SLC27A4: variants seen among roughly 807,000 people sequenced by gnomAD.
SLC27A4 encodes the protein solute carrier family 27 member 4.
SLC27A4 carries 33 observed loss-of-function variants against 64.4 expected under a neutral mutation model. The observed-to-expected ratio is 0.51, with a 90% CI of 0.39 to 0.68. The LOEUF (loss-of-function observed/expected upper bound fraction) is 0.68, where lower values mean the gene tolerates loss of function less well. Ranked by LOEUF, SLC27A4 falls within the 30% of genes least tolerant of loss-of-function variation. The pLI, the probability that SLC27A4 is intolerant of heterozygous loss-of-function variation, is 0.00. For synonymous variants in SLC27A4, 377 were observed against 370.0 expected, an observed-to-expected ratio of 1.02 and a Z score of -0.22; for missense variants, 824 against 883.5, an observed-to-expected ratio of 0.93 and a Z score of 0.85.
At position 128,346,848 on chromosome 9, in the gene SLC27A4, A is replaced by G. The variant is rs372429560; in HGVS notation, c.556+1299A>G. On this transcript the variant is annotated intron_variant, in intron 3 of 12. Coordinates refer to ENST00000300456, the MANE Select transcript of SLC27A4 (RefSeq NM_005094.4). ...AACCCCGTCTCTAATAAAAATGCAA[A>G]AAAAAACCTAGCCGAGCATGGTGGT... Among the ~76,000 whole-genome samples the G allele has an allele frequency of 3.0e-4, 45 of 151,750 alleles. No individual in the cohort carries two copies. The East Asian group carries it at 8.0e-3, about 27-fold the overall frequency.
chr9:128,353,707 C>T lies in SLC27A4; in HGVS notation c.1324+166C>T, dbSNP rs1354353047. 2.0e-5 allele frequency among the ~76,000 whole-genome samples: 3 copies of T among 151,332 alleles called. No individual in the cohort carries two copies. The highest frequency in any genetic ancestry group is 1.9e-4 in the East Asian group (1 of 5,166). ...GTATCCATCCATTCATTCATTCATTCGCCATTCTATCTGTACATCAGTCCA... is the reference window on the plus strand; with the variant it reads ...GTATCCATCCATTCATTCATTCATTTGCCATTCTATCTGTACATCAGTCCA... On this transcript the variant is annotated intron_variant, in intron 9 of 12. Coordinates refer to ENST00000300456, the MANE Select transcript of SLC27A4 (RefSeq NM_005094.4). The surrounding 1 kb of genome is among the most constrained non-coding windows in gnomAD (Gnocchi z 4.9).
rs1320224243 is a variant in SLC27A4, at chr9:128,343,294, G to T, written c.161+1G>T. 6.2e-7 allele frequency: 1 copy of T among 1,614,134 alleles called. No homozygotes were observed. The highest frequency in any genetic ancestry group is 8.5e-7 in the Non-Finnish European group (1 of 1,180,018). On this transcript the variant is annotated splice_donor_variant, in intron 2 of 12. Coordinates refer to ENST00000300456, the MANE Select transcript of SLC27A4 (RefSeq NM_005094.4). LOFTEE classifies it high-confidence loss of function. ...TCAAGACCATCAGGCGCGATATCTTGTGAGTACCTGGCCCAGCCTTTCCTG... is the reference window on the plus strand; with the variant it reads ...TCAAGACCATCAGGCGCGATATCTTTTGAGTACCTGGCCCAGCCTTTCCTG...
At chr9:128,347,484 T>C (rs1007779685) in intron 3 of SLC27A4, among the ~76,000 whole-genome samples, 5 of 151,600 alleles carry the variant, frequency 3.3e-5, no homozygotes, top group Non-Finnish European at 7.4e-5. Flanking sequence ...CCCAGCACTT[T>C]TGGAGGCCAA....
Position 128,345,049 on chromosome 9 carries a change from C to A in SLC27A4, c.162-106C>A. On this transcript the variant is annotated intron_variant, in intron 2 of 12. Transcript: ENST00000300456. This position sits in a 1 kb window ranked among gnomAD's most constrained non-coding sequence, Gnocchi z 4.1. Reference sequence around the variant, plus strand: ...AGGAGATAGAAGTGTTGTAGGGGGTCTGGCTCATGAAGCATAGGCTGGCGA... The same window carrying A: ...AGGAGATAGAAGTGTTGTAGGGGGTATGGCTCATGAAGCATAGGCTGGCGA... The A allele has an allele frequency of 1.4e-6, 2 of 1,390,604 alleles. No homozygotes were observed. Among genetic ancestry groups the A allele is most frequent in the Non-Finnish European group, 1.0e-6 (1 of 999,176 alleles). 86.1% of individuals were successfully genotyped at this position (1,390,604 alleles called of 1,614,324 possible). A position where few individuals can be genotyped will look rare whatever the true frequency, so the allele number is the denominator to read the frequency against.
At chr9:128,350,636 C>T in intron 6 of SLC27A4, 61 bp downstream of exon 6, 4 of 1,274,066 alleles carry the variant, frequency 3.1e-6, no homozygotes, top group Non-Finnish European at 4.5e-6. Flanking sequence ...ACCCCACCCC[C>T]ATCAGGCAGT....
At position 128,350,334 on chromosome 9, in the gene SLC27A4, A is replaced by T. The variant is rs747557571; in HGVS notation, c.738A>T (p.Thr246=). ...TAGATAAACTGTTCTACATCTACAC[A>T]TCCGGCACCACAGGGCTGCCCAAGG... is the stretch of plus-strand genomic sequence containing the variant. The part of the protein sequence containing the change: ...GFTDKLFYIY[T]SGTTGLPKAA... The change falls in exon 5 of 13, where the codon ACA becomes ACT. Residue 246 remains threonine (T), a synonymous_variant. Transcript: ENST00000300456. 1 of 1,613,214 alleles carries T rather than the reference A, an allele frequency of 6.2e-7. No homozygotes were observed. The highest frequency in any genetic ancestry group is 1.1e-5 in the South Asian group (1 of 91,084).
chr9:128,358,696 C>T (rs1206386447), intron 12 of SLC27A4, among the ~76,000 whole-genome samples: 1 of 152,210 alleles, frequency 6.6e-6, no homozygotes. Flanking sequence ...ATCCGCCCAC[C>T]CTGGCCTCCC....
At chr9:128,355,862 C>G in intron 12 of SLC27A4, 66 bp downstream of exon 12, 2 of 1,601,264 alleles carry the variant, frequency 1.2e-6, no homozygotes, top group Non-Finnish European at 1.7e-6. Flanking sequence ...TGGAGAGACC[C>G]GGTTGGCTGT....
chr9:128,346,710 CAAAATA>C (rs1254680568), intron 3 of SLC27A4, among the ~76,000 whole-genome samples: 3 of 150,110 alleles, frequency 2.0e-5, no homozygotes, highest in Non-Finnish European at 4.4e-5. Flanking sequence ...TCAAAAAAAA[CAAAATA>C]AAAGGCCGGG....
At chr9:128,358,385 C>T (rs150615148) in intron 12 of SLC27A4, among the ~76,000 whole-genome samples, 15 of 152,326 alleles carry the variant, frequency 9.8e-5, no homozygotes, top group African/African-American at 1.4e-4. Flanking sequence ...GCTGGCTGGA[C>T]GCCGTGGCTC....
chr9:128,355,639 G>A lies in SLC27A4; in HGVS notation c.1628-11G>A, dbSNP rs377732322. 6.2e-6 allele frequency: 10 copies of A among 1,609,020 alleles called. No individual in the cohort carries two copies. In the African/African-American group the frequency reaches 9.3e-5, roughly 15 times the overall value. ...CCACCAGCTACTCAGTGTCTACCCT[G>A]CCACCCCCAGGAACCGAGGGCCGGG... On this transcript the variant is annotated splice_polypyrimidine_tract_variant and intron_variant, in intron 11 of 12. Coordinates refer to ENST00000300456, the MANE Select transcript of SLC27A4 (RefSeq NM_005094.4).
chr9:128,346,219 G>T (rs889959644), intron 3 of SLC27A4, among the ~76,000 whole-genome samples: 1 of 144,184 alleles, frequency 6.9e-6, no homozygotes, highest in Non-Finnish European at 1.5e-5. Flanking sequence ...AAAGTTTTTT[G>T]TTTTTTTTTG....
chr9:128,341,317 G>A (rs570320227), intron 1 of SLC27A4, among the ~76,000 whole-genome samples: 7 of 152,302 alleles, frequency 4.6e-5, no homozygotes, highest in African/African-American at 1.7e-4. Context: ...AGGAAAACTC[G>A]GAGAAAAACA....
rs1458964051 is a variant in SLC27A4, at chr9:128,352,754, G to A, written c.987+7G>A. On this transcript the variant is annotated splice_region_variant and intron_variant, in intron 7 of 12. Coordinates refer to ENST00000300456, the MANE Select transcript of SLC27A4 (RefSeq NM_005094.4). Reference sequence around the variant, plus strand: ...TATCAAGTACAACTGCACGGTGAGCGAGAGCGGGAAGGGTGAGCTGTCCCT... The same window carrying A: ...TATCAAGTACAACTGCACGGTGAGCAAGAGCGGGAAGGGTGAGCTGTCCCT... The A allele has an allele frequency of 1.1e-5, 17 of 1,602,396 alleles. No homozygotes were observed. The highest frequency in any genetic ancestry group is 6.7e-5 in the African/African-American group (5 of 74,734).
rs374594269 is a variant in SLC27A4, at chr9:128,352,766, G to A, written c.987+19G>A. 3.2e-6 allele frequency: 5 copies of A among 1,576,092 alleles called. No homozygotes were observed. The highest frequency in any genetic ancestry group is 2.7e-5 in the African/African-American group (2 of 74,098). On this transcript the variant is annotated intron_variant, in intron 7 of 12. Transcript: ENST00000300456. ...CTGCACGGTGAGCGAGAGCGGGAAG[G>A]GTGAGCTGTCCCTTTCCCCTAGTTA...
chr9:128,360,649 C>T lies in SLC27A4; in HGVS notation c.*158C>T, dbSNP rs1053058267. On this transcript the variant is annotated 3_prime_UTR_variant, in exon 13 of 13. Coordinates refer to ENST00000300456, the MANE Select transcript of SLC27A4 (RefSeq NM_005094.4). The stretch of plus-strand genomic sequence containing the variant: ...TCCAAAACTGCCAAGTGACTCATTG[C>T]CTTCCCAACCCTTCCAGAGGCTTTC... 1.2e-5 allele frequency: 8 copies of T among 684,252 alleles called. No homozygotes were observed. Among genetic ancestry groups the T allele is most frequent in the Non-Finnish European group, 2.0e-5 (8 of 402,716 alleles). 42.4% of individuals were successfully genotyped at this position (684,252 alleles called of 1,614,324 possible).
At position 128,353,503 on chromosome 9, in the gene SLC27A4, TC is replaced by T; in HGVS notation, c.1288del (p.Arg430GlyfsTer63). On this transcript the variant is annotated frameshift_variant, in exon 9 of 13. Transcript: ENST00000300456. LOFTEE classifies it high-confidence loss of function. This position sits in a 1 kb window ranked among gnomAD's most constrained non-coding sequence, Gnocchi z 4.9. Reference sequence around the variant, plus strand: ...GTCAACGAGGACACCATGGAGCTGATCCGGGGGCCCGACGGCGTCTGCATTC... The same window carrying T: ...GTCAACGAGGACACCATGGAGCTGATCGGGGGCCCGACGGCGTCTGCATTC... ...VRVNEDTMEL[I>X]RGPDGVCIPC... is the part of the protein sequence containing the mutation. The T allele has an allele frequency of 6.2e-7, 1 of 1,614,078 alleles. No individual in the cohort carries two copies. The highest frequency in any genetic ancestry group is 8.5e-7 in the Non-Finnish European group (1 of 1,180,032).
At chr9:128,355,333 CCTGGCTTGAGCCCTGGTCTCAGAG>C (rs1465225768) in intron 10 of SLC27A4, 41 bp from the exon 11 acceptor site, 20 of 1,608,364 alleles carry the variant, frequency 1.2e-5, no homozygotes, top group Non-Finnish European at 1.7e-5. Context: ...GCAAAGCCTC[CCTGGCTTGAGCCCTGGTCTCAGAG>C]CTGGCCAGGC....
At chr9:128,355,891 A>T in intron 12 of SLC27A4, 95 bp downstream of exon 12, 1 of 1,547,886 alleles carries the variant, frequency 6.5e-7, no homozygotes, top group Non-Finnish European at 8.8e-7. Context: ...CTCTGCACAC[A>T]GCCTGGCCGG....
Sources: allele counts gnomAD v4.1 joint callset (sites outside exome capture counted in the v4.1 genomes callset), GRCh38; gene constraint gnomAD v4.1.1; non-coding constraint Gnocchi (gnomAD v3.1); transcripts MANE v1.5; gene names NCBI Gene and HGNC (gene_info 2026-07-23, HGNC 2026-07-21).